The following NCOA2 variants were observed in gnomAD, a reference collection of about 807,000 sequenced individuals.
NCOA2 encodes class E basic helix-loop-helix protein 75.
Under a neutral mutation model 145.1 loss-of-function variants are expected in NCOA2, and 21 were observed. The ratio of observed to expected loss-of-function variants is 0.14; its 90% CI spans 0.10 to 0.21. The LOEUF (loss-of-function observed/expected upper bound fraction) is 0.21. Ranked by LOEUF, NCOA2 falls within the 10% of genes least tolerant of loss-of-function variation. The probability of loss-of-function intolerance (pLI) is 1.00; values close to 1 mark genes in which losing one functional copy is unlikely to be tolerated. For synonymous variants in NCOA2, 619 were observed against 637.5 expected (o/e 0.97, Z 0.44); for missense variants, 1,472 against 1,837.6 (o/e 0.80, Z 3.64).
At chr8:70,175,506 C>T (rs1236437108) in intron 4 of NCOA2, among the ~76,000 whole-genome samples, 4 of 152,220 alleles carry the variant, frequency 2.6e-5, no homozygotes, top group Admixed American at 6.5e-5. Context: ...AGGCGCGTAG[C>T]GTGCGCTCCT....
chr8:70,344,725 T>C (rs889170410), intron 1 of NCOA2, among the ~76,000 whole-genome samples: 1 of 151,690 alleles, frequency 6.6e-6, no homozygotes, highest in Non-Finnish European at 1.5e-5. Context: ...GGAGAGAGAG[T>C]GCTCCAGCTA....
At chr8:70,442,078 G>C in the NCOA2 span, among the ~76,000 whole-genome samples, 2 of 141,280 alleles carry the variant, frequency 1.4e-5, no homozygotes, top group Non-Finnish European at 3.1e-5. Flanking sequence ...AGGAAAGAAA[G>C]AAAAAGAGAA....
In NCOA2 at chr8:70,110,108, A is replaced by G. The variant is rs1806414158; in HGVS notation, c.*3524T>C. On this transcript the variant is annotated 3_prime_UTR_variant, in exon 23 of 23. Transcript: ENST00000452400. ...TTTTACCCTTGTATAATCTTTTCAT[A>G]TACACACATCTCAGATGCAACTTCA... is the stretch of plus-strand genomic sequence containing the variant. 5.0e-6 allele frequency: 1 copy of G among 198,250 alleles called. No individual in the cohort carries two copies. Among genetic ancestry groups the G allele is most frequent in the South Asian group, 1.9e-4 (1 of 5,210 alleles). The allele number at this position is 198,250 out of a possible 1,614,324, so 12.3% of individuals were successfully genotyped here. A position where few individuals can be genotyped will look rare whatever the true frequency, so the allele number is the denominator to read the frequency against.
chr8:70,450,573 C>CTTTTTTTTTTTTCTTTTTTTT, the NCOA2 span, among the ~76,000 whole-genome samples: 1 of 94,652 alleles, frequency 1.1e-5, no homozygotes. Context: ...TCTTTTTATT[C>CTTTTTTTTTTTTCTTTTTTTT]TTTTTTTTTT....
intron 11 of NCOA2, among the ~76,000 whole-genome samples, chr8:70,153,374 T>C (rs1811956335): frequency 6.6e-6 from 1 of 152,200 alleles, no homozygotes; most frequent in African/African-American, 2.4e-5. Flanking sequence ...TTCTCCTAAA[T>C]AAATAACCTG....
At chr8:70,127,081 C>G in intron 18 of NCOA2, 34 bp from the exon 19 acceptor site, 1 of 1,462,576 alleles carries the variant, frequency 6.8e-7, no homozygotes, top group South Asian at 1.2e-5. Flanking sequence ...AGGAAAATGT[C>G]GGGGACAGAC....
intron 1 of NCOA2, among the ~76,000 whole-genome samples, chr8:70,339,497 G>A (rs983747890): frequency 2.0e-5 from 3 of 151,960 alleles, no homozygotes; most frequent in African/African-American, 7.3e-5. Context: ...TATGAAAATG[G>A]CCATACTGCC....
chr8:70,350,599 C>A (rs1212716466), intron 1 of NCOA2, among the ~76,000 whole-genome samples: 1 of 152,126 alleles, frequency 6.6e-6, no homozygotes, highest in African/African-American at 2.4e-5. Flanking sequence ...TATGGTAACA[C>A]AAAAGATTTT....
At chr8:70,231,252 A>C (rs529750932) in intron 2 of NCOA2, among the ~76,000 whole-genome samples, 1 of 152,366 alleles carries the variant, frequency 6.6e-6, no homozygotes, top group African/African-American at 2.4e-5. Flanking sequence ...GCTAATTTAA[A>C]GATTATGGTG....
intron 18 of NCOA2, 41 bp downstream of exon 18, chr8:70,128,392 C>A: frequency 2.0e-6 from 3 of 1,532,976 alleles, no homozygotes; most frequent in Admixed American, 1.8e-5. Context: ...AAAGCAGCTG[C>A]ATGCATACAA....
intron 1 of NCOA2, among the ~76,000 whole-genome samples, chr8:70,341,876 T>A (rs181336058): frequency 1.8e-4 from 27 of 152,352 alleles, no homozygotes; most frequent in Non-Finnish European, 3.2e-4. Flanking sequence ...AACCATGTTG[T>A]CTACTCAATG....
intron 1 of NCOA2, among the ~76,000 whole-genome samples, chr8:70,375,947 A>G (rs1408152914): frequency 6.6e-6 from 1 of 152,212 alleles, no homozygotes; most frequent in South Asian, 2.1e-4. Flanking sequence ...TGACAATAAG[A>G]GTCACCGAAG....
intron 1 of NCOA2, among the ~76,000 whole-genome samples, chr8:70,316,761 A>G (rs957292960): frequency 6.6e-6 from 1 of 152,230 alleles, no homozygotes; most frequent in African/African-American, 2.4e-5. Context: ...AAGTAACCGA[A>G]GTAACCTGAT....
chr8:70,167,791 T>C (rs1487679367), intron 6 of NCOA2, among the ~76,000 whole-genome samples: 1 of 152,172 alleles, frequency 6.6e-6, no homozygotes, highest in Non-Finnish European at 1.5e-5. Flanking sequence ...TTGAAATGCA[T>C]TAGAGATAAC....
intron 1 of NCOA2, among the ~76,000 whole-genome samples, chr8:70,329,093 C>A (rs1806848753): frequency 6.6e-6 from 1 of 151,816 alleles, no homozygotes; most frequent in Non-Finnish European, 1.5e-5. Flanking sequence ...GAGCTAGGAC[C>A]ACAGATGCAC....
At position 70,112,001 on chromosome 8, in the gene NCOA2, A is replaced by G. The variant is rs2131114416; in HGVS notation, c.*1631T>C. 4.6e-6 allele frequency: 1 copy of G among 218,572 alleles called. No homozygotes were observed. The highest frequency in any genetic ancestry group is 5.8e-5 in the Admixed American group (1 of 17,286). 13.5% of individuals were successfully genotyped at this position (218,572 alleles called of 1,614,324 possible). A position where few individuals can be genotyped will look rare whatever the true frequency, so the allele number is the denominator to read the frequency against. On this transcript the variant is annotated 3_prime_UTR_variant, in exon 23 of 23. Coordinates refer to ENST00000452400, the MANE Select transcript of NCOA2 (RefSeq NM_006540.4). Reference sequence around the variant, plus strand: ...TTGTCTGAAACTGACACCTATTAATAAAAGATTTTTCCCCTACCAGAGTGG... The same window carrying G: ...TTGTCTGAAACTGACACCTATTAATGAAAGATTTTTCCCCTACCAGAGTGG...
At chr8:70,195,741 G>A (rs1350291672) in intron 4 of NCOA2, among the ~76,000 whole-genome samples, 1 of 152,148 alleles carries the variant, frequency 6.6e-6, no homozygotes, top group East Asian at 1.9e-4. Flanking sequence ...ATGATCCCCG[G>A]TGGCTACAGA....
intron 1 of NCOA2, among the ~76,000 whole-genome samples, chr8:70,363,119 C>A (rs1427900036): frequency 6.7e-6 from 1 of 148,736 alleles, no homozygotes; most frequent in African/African-American, 2.5e-5. Context: ...CACGGTGGCT[C>A]ACACCTGTAA....
At chr8:70,442,028 GA>G in the NCOA2 span, among the ~76,000 whole-genome samples, 2,585 of 129,828 alleles carry the variant, frequency 0.02, 87 homozygotes, top group African/African-American at 0.07. Context: ...GAAAGAAAGA[GA>G]AAAGAAAGAG....
Sources: gnomAD v4.1 joint callset for allele counts (sites outside exome capture counted in the v4.1 genomes callset) on GRCh38, gnomAD v4.1.1 for gene constraint, MANE v1.5 for transcripts, NCBI Gene and HGNC (gene_info 2026-07-23, HGNC 2026-07-21) for gene names.